RASA2: variants seen among roughly 807,000 people sequenced by gnomAD.
RASA2 encodes the protein ras GTPase-activating protein 2.
In RASA2, 155 loss-of-function variants were observed where a neutral mutation model predicts 118.2. That is an observed-to-expected ratio of 1.31 (90% CI 1.15 to 1.50). The LOEUF is 1.50. RASA2 is among the 40% of genes most tolerant of loss of function. The pLI, the probability that RASA2 is intolerant of heterozygous loss-of-function variation, is 0.00. For missense variants in RASA2, 1,016 were observed against 1,009.6 expected (o/e 1.01, Z -0.09); for synonymous variants, 353 against 349.1 (o/e 1.01, Z -0.12).
chr3:141,586,251 A>G (rs577395866), intron 18 of RASA2, among the ~76,000 whole-genome samples, 153 bp downstream of exon 18: 6 of 152,308 alleles, frequency 3.9e-5, no homozygotes, highest in African/African-American at 1.4e-4. Context: ...TTACTGTCCT[A>G]CAAACTTTAT....
chr3:141,529,917 C>A, intron 4 of RASA2, 115 bp downstream of exon 4: 2 of 769,430 alleles, frequency 2.6e-6, no homozygotes, highest in Admixed American at 2.7e-5. Flanking sequence ...TAAATTCTAG[C>A]ATCAAATATT....
intron 1 of RASA2, among the ~76,000 whole-genome samples, chr3:141,493,072 CAG>C (rs1577632253): frequency 6.6e-6 from 1 of 152,274 alleles, no homozygotes; most frequent in East Asian, 1.9e-4. Context: ...AAGAATCTAA[CAG>C]AGACAGCAAG....
intron 1 of RASA2, among the ~76,000 whole-genome samples, chr3:141,502,017 C>T (rs2081790199): frequency 6.6e-6 from 1 of 152,124 alleles, no homozygotes; most frequent in African/African-American, 2.4e-5. Flanking sequence ...CTCCAGGATG[C>T]AAAACTGAGC....
rs777771848 is a variant in RASA2 at position 141,613,135 on chromosome 3, ATCACT to A, written c.*832_*836del. On this transcript the variant is annotated 3_prime_UTR_variant, in exon 24 of 24. Transcript: ENST00000286364. ...AACAGGGAATGAAGGTGGTGGGAAA[ATCACT>A]TCACTTCACCCACTATTTCATGTTG... The A allele has an allele frequency of 9.9e-5, 15 of 152,166 alleles. No homozygotes were observed. The highest frequency in any genetic ancestry group is 1.5e-4 in the Non-Finnish European group (10 of 68,028). The allele number at this position is 152,166 out of a possible 1,614,324, so 9.4% of individuals were successfully genotyped here. A position where few individuals can be genotyped will look rare whatever the true frequency, so the allele number is the denominator to read the frequency against.
intron 4 of RASA2, among the ~76,000 whole-genome samples, chr3:141,534,583 T>G (rs1222265240): frequency 7.3e-6 from 1 of 136,536 alleles, no homozygotes; most frequent in Non-Finnish European, 1.6e-5. Flanking sequence ...TATTGATTGT[T>G]TTATAGGTGT....
At chr3:141,588,940 C>G (rs941076894) in intron 19 of RASA2, among the ~76,000 whole-genome samples, 1 of 151,850 alleles carries the variant, frequency 6.6e-6, no homozygotes, top group Non-Finnish European at 1.5e-5. Flanking sequence ...CTCCCGGATT[C>G]AAGCGATTGT....
intron 19 of RASA2, among the ~76,000 whole-genome samples, chr3:141,591,038 C>A (rs761215269): frequency 1.3e-5 from 2 of 152,142 alleles, no homozygotes; most frequent in East Asian, 1.9e-4. Context: ...TGTGTACTTA[C>A]AATTATGATT....
rs2083702724 is a variant in RASA2 at position 141,614,765 on chromosome 3, T to G, written c.*2452T>G. On this transcript the variant is annotated 3_prime_UTR_variant, in exon 24 of 24. Coordinates refer to ENST00000286364, the MANE Select transcript of RASA2 (RefSeq NM_006506.5). The stretch of plus-strand genomic sequence containing the variant: ...AAGATGATGGGCAATAGCAAACATT[T>G]TTACTCCCAGGAATATAATTTATCA... The G allele has an allele frequency of 6.6e-6, 1 of 152,342 alleles. No individual in the cohort carries two copies. The highest frequency in any genetic ancestry group is 1.9e-4 in the East Asian group (1 of 5,190). The allele number at this position is 152,342 out of a possible 1,614,324, so 9.4% of individuals were successfully genotyped here.
At chr3:141,499,838 C>G (rs923637910) in intron 1 of RASA2, among the ~76,000 whole-genome samples, 1 of 152,138 alleles carries the variant, frequency 6.6e-6, no homozygotes. Flanking sequence ...ACCCGCCCAC[C>G]TCGGCCTCCC....
intron 1 of RASA2, among the ~76,000 whole-genome samples, chr3:141,488,797 C>T (rs946905128): frequency 7.2e-5 from 11 of 152,124 alleles, no homozygotes; most frequent in African/African-American, 2.7e-4. Flanking sequence ...CAAAGTTTCT[C>T]CCTTTATATG....
At chr3:141,543,978 C>T (rs1436623642) in intron 5 of RASA2, among the ~76,000 whole-genome samples, 5 of 147,312 alleles carry the variant, frequency 3.4e-5, no homozygotes, top group East Asian at 2.0e-4. Context: ...CGGATTCAAG[C>T]GATTTTCATG....
chr3:141,609,529 T>TA lies in RASA2; in HGVS notation c.2329+7dup. 6.5e-7 allele frequency: 1 copy of TA among 1,530,202 alleles called. No individual in the cohort carries two copies. Among genetic ancestry groups the TA allele is most frequent in the Non-Finnish European group, 9.0e-7 (1 of 1,109,106 alleles). The allele number at this position is 1,530,202 out of a possible 1,614,324, so 94.8% of individuals were successfully genotyped here. On this transcript the variant is annotated splice_region_variant and intron_variant, in intron 22 of 23. Transcript: ENST00000286364. ...TAAGCTGCAGAAGATGGAAGGTAAA[T>TA]ACACAATCTATTTTTATATAACCAT... is the stretch of plus-strand genomic sequence containing the variant.
chr3:141,585,744 G>C (rs1363442250), intron 17 of RASA2, among the ~76,000 whole-genome samples: 1 of 152,198 alleles, frequency 6.6e-6, no homozygotes, highest in African/African-American at 2.4e-5. Context: ...AGGTTGCAGT[G>C]AGCTGAGATT....
At chr3:141,513,074 AAAAAAAC>A (rs1307486723) in intron 2 of RASA2, among the ~76,000 whole-genome samples, 2 of 149,000 alleles carry the variant, frequency 1.3e-5, no homozygotes, top group African/African-American at 5.1e-5. Context: ...AGAAAAAAAA[AAAAAAAC>A]AAAAAAACGA....
chr3:141,573,081 A>AT, intron 12 of RASA2, 66 bp from the exon 13 acceptor site: 2 of 1,330,638 alleles, frequency 1.5e-6, no homozygotes, highest in Non-Finnish European at 2.0e-6. Flanking sequence ...TATCAGAAAA[A>AT]TAAGTTATTT....
At chr3:141,606,629 TTA>T (rs544506196) in intron 19 of RASA2, among the ~76,000 whole-genome samples, 10 of 152,234 alleles carry the variant, frequency 6.6e-5, no homozygotes, top group African/African-American at 1.9e-4. Flanking sequence ...TTTAAAAACA[TTA>T]TATGTCACAT....
At chr3:141,600,203 A>C (rs2083441660) in intron 19 of RASA2, 2 of 413,168 alleles carry the variant, frequency 4.8e-6, no homozygotes, top group Admixed American at 5.9e-5. Flanking sequence ...ATCCAAGTGG[A>C]ATAAGGAATG....
intron 19 of RASA2, among the ~76,000 whole-genome samples, chr3:141,606,069 C>T (rs2083543650): frequency 1.3e-5 from 2 of 152,168 alleles, no homozygotes. Flanking sequence ...CCCAGCTGTT[C>T]CACATGCAAC....
At chr3:141,551,244 T>C (rs1446390156) in intron 5 of RASA2, among the ~76,000 whole-genome samples, 1 of 152,230 alleles carries the variant, frequency 6.6e-6, no homozygotes, top group East Asian at 1.9e-4. Context: ...TTTTGTGGTT[T>C]ACTTTTAACT....
Sources: gnomAD v4.1 joint callset for allele counts (sites outside exome capture counted in the v4.1 genomes callset) on GRCh38, gnomAD v4.1.1 for gene constraint, MANE v1.5 for transcripts, NCBI Gene and HGNC (gene_info 2026-07-23, HGNC 2026-07-21) for gene names.